The following SHKBP1 variants were observed in gnomAD, a reference collection of about 807,000 sequenced individuals.
SHKBP1 encodes SH3KBP1 binding protein 1.
A neutral mutation model predicts 83.9 loss-of-function variants in SHKBP1; 71 were observed. The ratio of observed to expected loss-of-function variants is 0.85; its 90% CI spans 0.70 to 1.03. The LOEUF (loss-of-function observed/expected upper bound fraction) is 1.03, where lower values mean the gene tolerates loss of function less well. Among genes scored for constraint, SHKBP1 ranks in the 50% least tolerant of loss-of-function variants. The pLI, the probability that SHKBP1 is intolerant of heterozygous loss-of-function variation, is 0.00. For missense variants in SHKBP1, 824 were observed against 982.4 expected, an observed-to-expected ratio of 0.84 and a Z score of 2.16; for synonymous variants, 371 against 398.0, an observed-to-expected ratio of 0.93 and a Z score of 0.81.
rs775494022 is a variant in SHKBP1 at position 40,590,221 on chromosome 19, AC to A, written c.1590-21del. On this transcript the variant is annotated intron_variant, in intron 15 of 17. Transcript: ENST00000291842. This position sits in a 1 kb window ranked among gnomAD's most constrained non-coding sequence, Gnocchi z 4.6. ...GAAGGGTGAGAAAGCGAGGGTGACCACCTCCCCCACTGCACCCCCCAGGGTG... is the reference window on the plus strand; with the variant it reads ...GAAGGGTGAGAAAGCGAGGGTGACCACTCCCCCACTGCACCCCCCAGGGTG... 126 of 1,535,882 alleles carry A rather than the reference AC, an allele frequency of 8.2e-5. 1 individual carries two copies. The African/African-American group carries it at 1.4e-3, about 17-fold the overall frequency.
Position 40,577,541 on chromosome 19 carries a change from C to T in SHKBP1, c.187-16C>T. Reference sequence around the variant, plus strand: ...TGCCTTTTACCCCATCCATCCTCTGCCCCCCTTTCCCGCAGATCTTCATCG... The same window carrying T: ...TGCCTTTTACCCCATCCATCCTCTGTCCCCCTTTCCCGCAGATCTTCATCG... On this transcript the variant is annotated splice_polypyrimidine_tract_variant and intron_variant, in intron 3 of 17. Transcript: ENST00000291842. 6.2e-7 allele frequency: 1 copy of T among 1,613,976 alleles called. No individual in the cohort carries two copies. Among genetic ancestry groups the T allele is most frequent in the Non-Finnish European group, 8.5e-7 (1 of 1,179,936 alleles).
Position 40,590,592 on chromosome 19 carries a change from C to A in SHKBP1, c.1769-138C>A. 7.6e-7 allele frequency: 1 copy of A among 1,318,522 alleles called. No individual in the cohort carries two copies. Among genetic ancestry groups the A allele is most frequent in the Non-Finnish European group, 1.0e-6 (1 of 960,916 alleles). 81.7% of individuals were successfully genotyped at this position (1,318,522 alleles called of 1,614,324 possible). ...CCTGCCCTTGTTTTTCAACCCCTGT[C>A]TCAGCCTCTGGCCCCCATGCATTGA... On this transcript the variant is annotated intron_variant, in intron 16 of 17. Transcript: ENST00000291842. This position sits in a 1 kb window ranked among gnomAD's most constrained non-coding sequence, Gnocchi z 4.6.
In SHKBP1 at chr19:40,588,756, G is replaced by T; in HGVS notation, c.1469G>T (p.Gly490Val). The T allele has an allele frequency of 6.2e-7, 1 of 1,613,578 alleles. No homozygotes were observed. Among genetic ancestry groups the T allele is most frequent in the East Asian group, 2.2e-5 (1 of 44,880 alleles). Residue 490 changes from glycine to valine, a missense_variant, in exon 14 of 18, where the codon GGC becomes GTC. Gly to Val is a moderately radical substitution (Grantham distance 109, BLOSUM62 -3). Around this residue, in one of 3 missense-constraint regions of SHKBP1, gnomAD observed 287 missense variants for 322.9 expected, o/e 0.89. Coordinates refer to ENST00000291842, the MANE Select transcript of SHKBP1 (RefSeq NM_138392.4). The stretch of plus-strand genomic sequence containing the variant: ...CTGGAGTCGGCAGATGGGCATGGCG[G>T]CTGCAGTGCTGGCAATGACATTGGT... ...LALESADGHGGCSAGNDIGPY... is the reference protein window; with the variant it reads ...LALESADGHGVCSAGNDIGPY...
In SHKBP1 at chr19:40,577,545, CCT is replaced by C. The variant is rs755068633; in HGVS notation, c.187-11_187-10del. On this transcript the variant is annotated splice_polypyrimidine_tract_variant and intron_variant, in intron 3 of 17. Transcript: ENST00000291842. ...TTTTACCCCATCCATCCTCTGCCCC[CCT>C]TTCCCGCAGATCTTCATCGACAGGG... is the stretch of plus-strand genomic sequence containing the variant. 6.2e-7 allele frequency: 1 copy of C among 1,614,098 alleles called. No homozygotes were observed. Among genetic ancestry groups the C allele is most frequent in the South Asian group, 1.1e-5 (1 of 91,086 alleles).
rs755075861 is a variant in SHKBP1, at chr19:40,576,929, G to C, written c.30G>C (p.Gly10=). The change falls in exon 1 of 18, where the codon GGG becomes GGC. Residue 10 remains glycine (G), a synonymous_variant. Coordinates refer to ENST00000291842, the MANE Select transcript of SHKBP1 (RefSeq NM_138392.4). The stretch of plus-strand genomic sequence containing the variant: ...CAGCAGCGGCTACTGCAGCCGAGGG[G>C]GTCCCCAGTCGGGGGCCTCCCGGGG... MAAAATAAE[G]VPSRGPPGEV... is the part of the protein sequence containing the mutation. 2 of 1,490,900 alleles carry C rather than the reference G, an allele frequency of 1.3e-6. No individual in the cohort carries two copies. Among genetic ancestry groups the C allele is most frequent in the Non-Finnish European group, 1.8e-6 (2 of 1,124,970 alleles). The allele number at this position is 1,490,900 out of a possible 1,614,324, so 92.4% of individuals were successfully genotyped here. A position where few individuals can be genotyped will look rare whatever the true frequency, so the allele number is the denominator to read the frequency against.
intron 13 of SHKBP1, among the ~76,000 whole-genome samples, chr19:40,587,620 G>C (rs970712011): frequency 3.3e-5 from 5 of 151,696 alleles, no homozygotes; most frequent in Non-Finnish European, 7.4e-5. Context: ...TGCAAATCAG[G>C]CTGGGCACTG....
At chr19:40,588,507 G>A in intron 13 of SHKBP1, 117 bp from the exon 14 acceptor site, 4 of 1,277,984 alleles carry the variant, frequency 3.1e-6, no homozygotes, top group Non-Finnish European at 4.4e-6. Flanking sequence ...TCTCTGAAAG[G>A]GAAGAACTCA....
rs1223171887 is a variant in SHKBP1 at position 40,580,598 on chromosome 19, G to A, written c.595G>A (p.Val199Met). The change falls in exon 8 of 18, where the codon GTG becomes ATG. Residue 199 changes from valine to methionine, a missense_variant. Val to Met is a conservative substitution (Grantham distance 21). Around this residue, in one of 3 missense-constraint regions of SHKBP1, gnomAD observed 355 missense variants for 386.4 expected, o/e 0.92. Transcript: ENST00000291842. ...TGAGGAGCCGGGGATGGTGCGCCTG[G>A]TGTGTGGACACCATAATTGGATCGC... ...QPEEPGMVRL[V>M]CGHHNWIAVA... 6.2e-7 allele frequency: 1 copy of A among 1,614,204 alleles called. No homozygotes were observed.
Position 40,580,729 on chromosome 19 carries a change from TC to T in SHKBP1, c.654-13del. The T allele has an allele frequency of 6.2e-7, 1 of 1,612,688 alleles. No homozygotes were observed. The highest frequency in any genetic ancestry group is 8.5e-7 in the Non-Finnish European group (1 of 1,179,074). On this transcript the variant is annotated splice_polypyrimidine_tract_variant and intron_variant, in intron 8 of 17. Transcript: ENST00000291842. ...GGGCATGCGGTGAGGGTTGGTGATG[TC>T]CCCTCGATCCTACAGGTTGAAGGAA...
At chr19:40,579,088 G>A (rs950287432) in intron 6 of SHKBP1, among the ~76,000 whole-genome samples, 10 of 151,220 alleles carry the variant, frequency 6.6e-5, no homozygotes, top group African/African-American at 2.5e-4. Flanking sequence ...CCTGTTTTCC[G>A]AAAAACAATC....
chr19:40,587,100 G>C lies in SHKBP1; in HGVS notation c.1336+156G>C, dbSNP rs77291213. ...GGGATGGGACTGTAATTGCAGAAGT[G>C]AGAGAATACCATAGGGGATCAGTCT... On this transcript the variant is annotated intron_variant, in intron 13 of 17. Coordinates refer to ENST00000291842, the MANE Select transcript of SHKBP1 (RefSeq NM_138392.4). Among the ~76,000 whole-genome samples, 304 of 152,312 alleles carry C rather than the reference G, an allele frequency of 2.0e-3. 7 individuals are homozygous for C. In the East Asian group the frequency reaches 0.039, roughly 20 times the overall value.
At chr19:40,583,896 A>C (rs771673517) in intron 12 of SHKBP1, among the ~76,000 whole-genome samples, 179 bp downstream of exon 12, 1 of 151,990 alleles carries the variant, frequency 6.6e-6, no homozygotes, top group South Asian at 2.1e-4. Context: ...GCTGGAGTGC[A>C]GTGGTGCAAT....
intron 1 of SHKBP1, 102 bp downstream of exon 1, chr19:40,577,087 G>GC (rs35684786): frequency 0.039 from 40,181 of 1,036,908 alleles, 137 homozygotes; most frequent in East Asian, 0.059. Flanking sequence ...GGGTTGCTCC[G>GC]CCCCCCCCCC....
rs771749596 is a variant in SHKBP1, at chr19:40,578,476, C to G, written c.334C>G (p.Leu112Val). 1.2e-6 allele frequency: 2 copies of G among 1,614,184 alleles called. No homozygotes were observed. The highest frequency in any genetic ancestry group is 2.2e-5 in the East Asian group (1 of 44,882). ...GLTPLVRRLQ[L>V]REELDRSSCG... ...TCCTGTTGCAGTTCGTCGCCTGCAGCTTCGAGAGGAGTTGGATCGATCTTC... is the reference window on the plus strand; with the variant it reads ...TCCTGTTGCAGTTCGTCGCCTGCAGGTTCGAGAGGAGTTGGATCGATCTTC... Residue 112 changes from leucine (L) to valine (V), a missense_variant, in exon 6 of 18, where the codon CTT becomes GTT. This residue lies in a region of SHKBP1 where 355 missense variants were observed against 386.4 expected (regional missense o/e 0.92). Coordinates refer to ENST00000291842, the MANE Select transcript of SHKBP1 (RefSeq NM_138392.4).
chr19:40,586,965 C>A, intron 13 of SHKBP1, 21 bp downstream of exon 13: 2 of 1,573,150 alleles, frequency 1.3e-6, no homozygotes, highest in Non-Finnish European at 1.7e-6. Context: ...GTGGGGTGCT[C>A]CAGTGCTGGG....
rs1227182357 is a variant in SHKBP1, at chr19:40,580,319, T to C, written c.401-5T>C. 6.2e-7 allele frequency: 1 copy of C among 1,612,574 alleles called. No homozygotes were observed. The highest frequency in any genetic ancestry group is 8.5e-7 in the Non-Finnish European group (1 of 1,178,832). On this transcript the variant is annotated splice_region_variant and splice_polypyrimidine_tract_variant and intron_variant, in intron 6 of 17. Coordinates refer to ENST00000291842, the MANE Select transcript of SHKBP1 (RefSeq NM_138392.4). ...CTGTTACTCTACCTCTTATTCTCACTGTAGTGTTCCCAGTGAAGCGGCGGA... is the reference window on the plus strand; with the variant it reads ...CTGTTACTCTACCTCTTATTCTCACCGTAGTGTTCCCAGTGAAGCGGCGGA...
chr19:40,591,182 TGAA>T lies in SHKBP1; in HGVS notation c.2101_2103del (p.Lys701del), dbSNP rs1209907908. On this transcript the variant is annotated inframe_deletion, in exon 18 of 18. Coordinates refer to ENST00000291842, the MANE Select transcript of SHKBP1 (RefSeq NM_138392.4). Reference sequence around the variant, plus strand: ...GGCACTCCCCTCACACCTCCCAAGATGAAGCTCAATGAAACTTCCTTTTGAACA... The same window carrying T: ...GGCACTCCCCTCACACCTCCCAAGATGCTCAATGAAACTTCCTTTTGAACA... The T allele has an allele frequency of 4.9e-5, 78 of 1,589,216 alleles. No homozygotes were observed. The highest frequency in any genetic ancestry group is 6.2e-5 in the Non-Finnish European group (72 of 1,160,684).
At chr19:40,577,944 T>A (rs2081232752) in intron 4 of SHKBP1, 2 of 615,094 alleles carry the variant, frequency 3.3e-6, no homozygotes, top group Admixed American at 2.8e-5. Flanking sequence ...CTTCGATTTC[T>A]CCCTACACAC....
chr19:40,584,864 G>T (rs907435488), intron 12 of SHKBP1, among the ~76,000 whole-genome samples: 1 of 152,146 alleles, frequency 6.6e-6, no homozygotes, highest in Non-Finnish European at 1.5e-5. Flanking sequence ...CTATGGATTT[G>T]CCTGTTCTGG....
Sources: allele counts gnomAD v4.1 joint callset (sites outside exome capture counted in the v4.1 genomes callset), GRCh38; gene constraint gnomAD v4.1.1; regional missense constraint gnomAD v4.1.1; non-coding constraint Gnocchi (gnomAD v3.1); transcripts MANE v1.5; gene names NCBI Gene and HGNC (gene_info 2026-07-23, HGNC 2026-07-21).